The following MYRIP variants were observed in gnomAD, a reference collection of about 807,000 sequenced individuals.
MYRIP encodes myosin VIIA and Rab interacting protein.
A neutral mutation model predicts 98.0 loss-of-function variants in MYRIP; 49 were observed. That is an observed-to-expected ratio of 0.50 (90% CI 0.40 to 0.63). The LOEUF (loss-of-function observed/expected upper bound fraction) is 0.63, where lower values mean the gene tolerates loss of function less well. Among genes scored for constraint, MYRIP ranks in the 30% least tolerant of loss-of-function variants. MYRIP has a pLI of 0.00. For missense variants in MYRIP, 1,004 were observed against 1,058.2 expected, an observed-to-expected ratio of 0.95 and a Z score of 0.71; for synonymous variants, 404 against 409.5, an observed-to-expected ratio of 0.99 and a Z score of 0.16.
chr3:40,006,388 C>CA (rs57572805), intron 2 of MYRIP, among the ~76,000 whole-genome samples: 10 of 149,820 alleles, frequency 6.7e-5, no homozygotes, highest in African/African-American at 1.2e-4. Flanking sequence ...GACTCTGTCT[C>CA]AAAAAAAAAG....
chr3:40,016,347 G>C (rs1196916135), intron 2 of MYRIP, among the ~76,000 whole-genome samples: 2 of 152,066 alleles, frequency 1.3e-5, no homozygotes, highest in Non-Finnish European at 2.9e-5. Flanking sequence ...TGTGAGTGTG[G>C]GGCAGCTGCG....
intron 1 of MYRIP, among the ~76,000 whole-genome samples, chr3:39,854,015 T>G (rs1022161870): frequency 7.2e-5 from 11 of 152,206 alleles, no homozygotes; most frequent in African/African-American, 2.4e-5. Flanking sequence ...AGGGTGTCCT[T>G]TCCTCACTTT....
At chr3:39,917,341 A>G (rs1448531323) in intron 2 of MYRIP, among the ~76,000 whole-genome samples, 1 of 150,788 alleles carries the variant, frequency 6.6e-6, no homozygotes, top group Non-Finnish European at 1.5e-5. Flanking sequence ...TGCCAGGAAC[A>G]TGACATTCTG....
intron 16 of MYRIP, among the ~76,000 whole-genome samples, chr3:40,255,121 C>G (rs1254947551): frequency 6.6e-6 from 1 of 152,220 alleles, no homozygotes; most frequent in Non-Finnish European, 1.5e-5. Flanking sequence ...GTCTAATTCC[C>G]TTGCTTCTGA....
rs953206460 is a variant in MYRIP at position 40,151,029 on chromosome 3, C to T, written c.333-19C>T. 3.2e-6 allele frequency: 5 copies of T among 1,554,188 alleles called. No homozygotes were observed. The highest frequency in any genetic ancestry group is 4.4e-6 in the Non-Finnish European group (5 of 1,145,010). ...TTTAATAATTCTAATTTTGTGTTGTCTAATTCTGTTTTCCTCAGGCTTCTG... is the reference window on the plus strand; with the variant it reads ...TTTAATAATTCTAATTTTGTGTTGTTTAATTCTGTTTTCCTCAGGCTTCTG... On this transcript the variant is annotated intron_variant, in intron 3 of 16. Coordinates refer to ENST00000302541, the MANE Select transcript of MYRIP (RefSeq NM_015460.4).
chr3:39,939,328 G>A (rs36052864), intron 2 of MYRIP, among the ~76,000 whole-genome samples: 14,479 of 151,986 alleles, frequency 0.095, 830 homozygotes, highest in African/African-American at 0.16. Context: ...AGCCAGAGAG[G>A]GCAACACTCT....
intron 3 of MYRIP, among the ~76,000 whole-genome samples, chr3:40,095,712 AC>A (rs1948814411): frequency 6.6e-6 from 1 of 151,594 alleles, no homozygotes; most frequent in Non-Finnish European, 1.5e-5. Context: ...ACACTCACTA[AC>A]ACTGCCATCT....
intron 3 of MYRIP, among the ~76,000 whole-genome samples, chr3:40,094,014 C>T (rs1256395596): frequency 3.3e-5 from 5 of 152,228 alleles, no homozygotes; most frequent in South Asian, 4.2e-4. Flanking sequence ...GGCCTTTGCA[C>T]GTGCTATTTC....
intron 8 of MYRIP, among the ~76,000 whole-genome samples, chr3:40,177,581 G>A (rs773061165): frequency 2.0e-5 from 3 of 152,322 alleles, no homozygotes; most frequent in East Asian, 1.9e-4. Flanking sequence ...TTGGAAGAAG[G>A]TTCAGTGCGA....
intron 16 of MYRIP, among the ~76,000 whole-genome samples, chr3:40,255,236 GT>G (rs1429804192): frequency 6.6e-6 from 1 of 152,138 alleles, no homozygotes; most frequent in Non-Finnish European, 1.5e-5. Context: ...AAAATAAATT[GT>G]CTTTCATAGA....
chr3:39,981,539 A>G (rs979640898), intron 2 of MYRIP, among the ~76,000 whole-genome samples: 1 of 152,180 alleles, frequency 6.6e-6, no homozygotes, highest in Non-Finnish European at 1.5e-5. Flanking sequence ...CTCTGTCAAA[A>G]TAATAGCTGC....
At chr3:40,023,714 C>T (rs1947056518) in intron 2 of MYRIP, among the ~76,000 whole-genome samples, 1 of 152,160 alleles carries the variant, frequency 6.6e-6, no homozygotes, top group African/African-American at 2.4e-5. Context: ...AAGGTGGTTT[C>T]CAAGCTTCCA....
At position 40,192,309 on chromosome 3, in the gene MYRIP, C is replaced by CATATATATATGACATATAT. The variant is rs1322376887; in HGVS notation, c.1665+1856_1665+1857insGACATATATATATATATAT. Among the ~76,000 whole-genome samples, 57 of 57,940 alleles carry CATATATATATGACATATAT rather than the reference C, an allele frequency of 9.8e-4. 12 individuals carry two copies. Among genetic ancestry groups the CATATATATATGACATATAT allele is most frequent in the East Asian group, 5.0e-3 (7 of 1,412 alleles). 38.0% of individuals were successfully genotyped at this position (57,940 alleles called of 152,430 possible). Reference sequence around the variant, plus strand: ...ATTTACTGCGGCAGTTAGTTTTCTTCATATATATATATATATGTCATATAT... The same window carrying CATATATATATGACATATAT: ...ATTTACTGCGGCAGTTAGTTTTCTTCATATATATATGACATATATATATATATATATATATGTCATATAT... On this transcript the variant is annotated intron_variant, in intron 10 of 16. Transcript: ENST00000302541.
At chr3:40,230,296 A>G (rs1203109068) in intron 11 of MYRIP, among the ~76,000 whole-genome samples, 1 of 152,228 alleles carries the variant, frequency 6.6e-6, no homozygotes, top group Admixed American at 6.5e-5. Context: ...TGGGGCTGTA[A>G]GCAATAGAAA....
At chr3:39,964,293 G>A (rs752586777) in intron 2 of MYRIP, among the ~76,000 whole-genome samples, 29 of 151,986 alleles carry the variant, frequency 1.9e-4, no homozygotes, top group Non-Finnish European at 3.2e-4. Context: ...GTTTTAAATG[G>A]TATACATGAT....
intron 2 of MYRIP, among the ~76,000 whole-genome samples, chr3:39,995,308 C>G (rs1448075480): frequency 2.6e-5 from 4 of 152,080 alleles, no homozygotes; most frequent in African/African-American, 9.7e-5. Context: ...AGATGAATGG[C>G]TAACTAGAAT....
intron 1 of MYRIP, among the ~76,000 whole-genome samples, chr3:39,887,617 C>G (rs1298964991): frequency 3.3e-5 from 5 of 152,062 alleles, no homozygotes; most frequent in East Asian, 1.9e-4. Context: ...AAAACTGGCA[C>G]AAGACAGGGA....
intron 1 of MYRIP, among the ~76,000 whole-genome samples, chr3:39,811,748 T>A (rs1187375599): frequency 6.6e-6 from 1 of 151,510 alleles, no homozygotes; most frequent in African/African-American, 2.4e-5. Flanking sequence ...CGCAGTGTTC[T>A]GTGTGGTCTG....
At chr3:40,109,841 T>G (rs985831425) in intron 3 of MYRIP, among the ~76,000 whole-genome samples, 2 of 152,206 alleles carry the variant, frequency 1.3e-5, no homozygotes, top group Admixed American at 6.5e-5. Context: ...TGCTGTGGGT[T>G]GTCTTTATGG....
Sources: allele counts gnomAD v4.1 joint callset (sites outside exome capture counted in the v4.1 genomes callset), GRCh38; gene constraint gnomAD v4.1.1; transcripts MANE v1.5; gene names NCBI Gene and HGNC (gene_info 2026-07-23, HGNC 2026-07-21).